CIT: variants seen among roughly 807,000 people sequenced by gnomAD.
CIT encodes citron rho-interacting serine/threonine kinase, also known as citron Rho-interacting kinase.
A neutral mutation model predicts 272.7 loss-of-function variants in CIT; 79 were observed. The ratio of observed to expected loss-of-function variants is 0.29; its 90% CI spans 0.24 to 0.35. The LOEUF (loss-of-function observed/expected upper bound fraction) is 0.35. Ranked by LOEUF, CIT falls within the 10% of genes least tolerant of loss-of-function variation. CIT has a pLI of 1.00. For missense variants in CIT, 1,909 were observed against 2,618.3 expected (o/e 0.73, Z 5.91); for synonymous variants, 948 against 995.6 (o/e 0.95, Z 0.90).
chr12:119,819,080 C>T (rs1032266466), intron 9 of CIT, among the ~76,000 whole-genome samples: 4 of 152,110 alleles, frequency 2.6e-5, no homozygotes, highest in Admixed American at 6.5e-5. Flanking sequence ...GAAACATCGC[C>T]GGAACTGCAC....
chr12:119,688,689 T>C (rs986255567), intron 47 of CIT, among the ~76,000 whole-genome samples: 1 of 152,220 alleles, frequency 6.6e-6, no homozygotes, highest in Non-Finnish European at 1.5e-5. Context: ...ACTTGAGCCA[T>C]GCCCTGCCTG....
intron 10 of CIT, among the ~76,000 whole-genome samples, chr12:119,792,214 G>A (rs560409371): frequency 3.3e-4 from 50 of 151,990 alleles, no homozygotes; most frequent in Non-Finnish European, 5.6e-4. Flanking sequence ...TGCAAAATAC[G>A]ACACCAAACC....
intron 2 of CIT, among the ~76,000 whole-genome samples, chr12:119,871,492 T>C (rs968256124): frequency 6.6e-6 from 1 of 152,188 alleles, no homozygotes; most frequent in Non-Finnish European, 1.5e-5. Context: ...TCTCTGGTCC[T>C]ATGCCCCCCT....
rs571590216 is a variant in CIT at position 119,712,474 on chromosome 12, C to T, written c.4684+117G>A. On this transcript the variant is annotated intron_variant, in intron 36 of 47. Coordinates refer to ENST00000392521, the MANE Select transcript of CIT (RefSeq NM_001206999.2). This position sits in a 1 kb window ranked among gnomAD's most constrained non-coding sequence, Gnocchi z 5.2. Reference sequence around the variant, plus strand: ...TCCCAGTTACCGCCAAGGCGGGGAGCGGAGGAAGATGGGCCTCCTTTGCAG... The same window carrying T: ...TCCCAGTTACCGCCAAGGCGGGGAGTGGAGGAAGATGGGCCTCCTTTGCAG... 8.6e-5 allele frequency: 120 copies of T among 1,401,200 alleles called. No individual in the cohort carries two copies. Among genetic ancestry groups the T allele is most frequent in the Non-Finnish European group, 1.0e-4 (103 of 1,009,764 alleles). 86.8% of individuals were successfully genotyped at this position (1,401,200 alleles called of 1,614,324 possible).
At position 119,712,388 on chromosome 12, in the gene CIT, C is replaced by A; in HGVS notation, c.4685-41G>T. On this transcript the variant is annotated intron_variant, in intron 36 of 47. Transcript: ENST00000392521. This position sits in a 1 kb window ranked among gnomAD's most constrained non-coding sequence, Gnocchi z 5.2. ...GAGCACAGGATTGGGTGTGGATTTC[C>A]CCCGTTCCCACTGGGAGGGACGGGC... The A allele has an allele frequency of 6.4e-7, 1 of 1,570,814 alleles. No homozygotes were observed. Among genetic ancestry groups the A allele is most frequent in the South Asian group, 1.2e-5 (1 of 85,302 alleles).
Position 119,768,704 on chromosome 12 carries a change from A to G in CIT, c.2209-1522T>C, listed in dbSNP as rs114844848. On this transcript the variant is annotated intron_variant, in intron 18 of 47. Coordinates refer to ENST00000392521, the MANE Select transcript of CIT (RefSeq NM_001206999.2). The surrounding 1 kb of genome is among the most constrained non-coding windows in gnomAD (Gnocchi z 4.3). ...AAATAAACAGGATTAATAAAAACAT[A>G]TTTTAAAAGGTTCTATATGTACTTG... is the stretch of plus-strand genomic sequence containing the variant. Among the ~76,000 whole-genome samples, 194 of 152,386 alleles carry G rather than the reference A, an allele frequency of 1.3e-3. 1 individual carries two copies. The highest frequency in any genetic ancestry group is 4.5e-3 in the African/African-American group (188 of 41,598).
chr12:119,858,141 T>A (rs1950224583), intron 3 of CIT, among the ~76,000 whole-genome samples: 1 of 152,174 alleles, frequency 6.6e-6, no homozygotes, highest in Admixed American at 6.5e-5. Flanking sequence ...ATGCGCTTAG[T>A]TTTATCCCAC....
At chr12:119,689,974 C>T (rs963631418) in intron 47 of CIT, among the ~76,000 whole-genome samples, 177 bp downstream of exon 47, 3 of 152,160 alleles carry the variant, frequency 2.0e-5, no homozygotes, top group Non-Finnish European at 4.4e-5. Flanking sequence ...CCACCACGCC[C>T]GGCCAGGAAG....
In CIT at chr12:119,804,127, G is replaced by T; in HGVS notation, c.1112-738C>A. ...ATCTACAGCACCCCTGCGCGCTGAC[G>T]GTGGGAATGCACGGATGGACATATG... On this transcript the variant is annotated intron_variant, in intron 9 of 47. Coordinates refer to ENST00000392521, the MANE Select transcript of CIT (RefSeq NM_001206999.2). This position sits in a 1 kb window ranked among gnomAD's most constrained non-coding sequence, Gnocchi z 5.3. The T allele has an allele frequency of 1.0e-6, 1 of 979,688 alleles. No homozygotes were observed. The highest frequency in any genetic ancestry group is 1.7e-5 in the African/African-American group (1 of 57,224). The allele number at this position is 979,688 out of a possible 1,614,324, so 60.7% of individuals were successfully genotyped here.
intron 9 of CIT, among the ~76,000 whole-genome samples, chr12:119,811,943 ATT>A (rs35887106): frequency 1.7e-3 from 215 of 129,756 alleles, no homozygotes; most frequent in African/African-American, 4.9e-3. Context: ...TTCCCCAGGA[ATT>A]TTTTTTTTTT....
chr12:119,876,075 G>T lies in CIT; in HGVS notation c.94C>A (p.Gln32Lys), dbSNP rs144883583. 7.1e-5 allele frequency: 115 copies of T among 1,610,988 alleles called. No individual in the cohort carries two copies. In the African/African-American group the frequency reaches 1.4e-3, roughly 19 times the overall value. The change falls in exon 2 of 48, where the codon CAG becomes AAG. Residue 32 changes from glutamine to lysine, a missense_variant and splice_region_variant. Physicochemically the swap from Gln to Lys is moderately conservative, Grantham distance 53. Transcript: ENST00000392521. Reference sequence around the variant, plus strand: ...AAGTTGGCAGGGTAGGCTGTTACCTGGAAGAACAGATTCAGCCTGGAGGCC... The same window carrying T: ...AAGTTGGCAGGGTAGGCTGTTACCTTGAAGAACAGATTCAGCCTGGAGGCC... ...SRASRLNLFFQGKPPFMTQQQ... is the reference protein window; with the variant it reads ...SRASRLNLFFKGKPPFMTQQQ...
rs960216234 is a variant in CIT at position 119,712,767 on chromosome 12, G to A, written c.4580-72C>T. 6.1e-5 allele frequency: 77 copies of A among 1,253,078 alleles called. 1 individual carries two copies. Among genetic ancestry groups the A allele is most frequent in the Non-Finnish European group, 7.7e-5 (66 of 859,628 alleles). The allele number at this position is 1,253,078 out of a possible 1,614,324, so 77.6% of individuals were successfully genotyped here. On this transcript the variant is annotated intron_variant, in intron 35 of 47. Transcript: ENST00000392521. This position sits in a 1 kb window ranked among gnomAD's most constrained non-coding sequence, Gnocchi z 5.2. ...CAAGAACAAGGGGAGAAGAGAGAGC[G>A]AGAGAGACAGCAAGGGAGAGAGAGA...
intron 9 of CIT, among the ~76,000 whole-genome samples, chr12:119,816,503 A>C (rs183131266): frequency 3.9e-5 from 6 of 152,192 alleles, no homozygotes; most frequent in Non-Finnish European, 2.9e-5. Context: ...CTAGCATCCA[A>C]TTTCTTCCTC....
At chr12:119,701,540 G>A in intron 43 of CIT, 84 bp downstream of exon 43, 1 of 1,496,522 alleles carries the variant, frequency 6.7e-7, no homozygotes, top group East Asian at 2.3e-5. Flanking sequence ...CTGCCCCAGA[G>A]CTCCATGTAC....
intron 10 of CIT, among the ~76,000 whole-genome samples, chr12:119,802,779 C>A (rs555773583): frequency 6.6e-6 from 1 of 152,278 alleles, no homozygotes; most frequent in South Asian, 2.1e-4. Context: ...TTTTAGGATT[C>A]TTTATACAGC....
chr12:119,770,881 T>C lies in CIT; in HGVS notation c.2112A>G (p.Val704=), dbSNP rs1306868175. 6.2e-7 allele frequency: 1 copy of C among 1,612,764 alleles called. No individual in the cohort carries two copies. The highest frequency in any genetic ancestry group is 2.2e-5 in the East Asian group (1 of 44,892). ...EERRHSLENK[V]KRLETMERRE... is the part of the protein sequence containing the mutation. ...TACGCTCCATGGTCTCTAGTCTCTT[T>C]ACCTTGTTCTCCAGAGAATGGCGGC... Residue 704 remains valine (V), a synonymous_variant, in exon 18 of 48, where the codon GTA becomes GTG. Coordinates refer to ENST00000392521, the MANE Select transcript of CIT (RefSeq NM_001206999.2). The surrounding 1 kb of genome is among the most constrained non-coding windows in gnomAD (Gnocchi z 4.4).
chr12:119,750,362 C>T (rs1960056819), intron 23 of CIT, among the ~76,000 whole-genome samples: 1 of 152,120 alleles, frequency 6.6e-6, no homozygotes, highest in Non-Finnish European at 1.5e-5. Context: ...TTTCTCTTTG[C>T]CTTTTGTTTC....
rs906335459 is a variant in CIT at position 119,686,848 on chromosome 12, C to G, written c.*1384G>C. 10 of 152,722 alleles carry G rather than the reference C, an allele frequency of 6.5e-5. No individual in the cohort carries two copies. The highest frequency in any genetic ancestry group is 2.0e-4 in the Admixed American group (3 of 15,286). 9.5% of individuals were successfully genotyped at this position (152,722 alleles called of 1,614,324 possible). A position where few individuals can be genotyped will look rare whatever the true frequency, so the allele number is the denominator to read the frequency against. ...GTGGGAGCCGCACTGCACCTAAGGACTTCCCAACCCTGGCGGAGCTGGAAG... is the reference window on the plus strand; with the variant it reads ...GTGGGAGCCGCACTGCACCTAAGGAGTTCCCAACCCTGGCGGAGCTGGAAG... On this transcript the variant is annotated 3_prime_UTR_variant, in exon 48 of 48. Coordinates refer to ENST00000392521, the MANE Select transcript of CIT (RefSeq NM_001206999.2).
chr12:119,709,186 A>G (rs906950882), intron 39 of CIT, among the ~76,000 whole-genome samples: 3 of 152,234 alleles, frequency 2.0e-5, no homozygotes, highest in African/African-American at 7.2e-5. Context: ...AAACTATTCT[A>G]TATGATACTC....
Sources: allele counts gnomAD v4.1 joint callset (sites outside exome capture counted in the v4.1 genomes callset), GRCh38; gene constraint gnomAD v4.1.1; non-coding constraint Gnocchi (gnomAD v3.1); transcripts MANE v1.5; gene names NCBI Gene and HGNC (gene_info 2026-07-23, HGNC 2026-07-21).